Variants in SLITRK4 observed in about 807,000 individuals in gnomAD.
SLITRK4 encodes the protein SLIT and NTRK-like protein 4.
A neutral mutation model predicts 34.7 loss-of-function variants in SLITRK4; 7 were observed. That is an observed-to-expected ratio of 0.20 (90% CI 0.11 to 0.38). The LOEUF (loss-of-function observed/expected upper bound fraction) is 0.38, where lower values mean the gene tolerates loss of function less well. Ranked by LOEUF, SLITRK4 falls within the 10% of genes least tolerant of loss-of-function variation. The pLI is 1.00. For synonymous variants in SLITRK4, 237 were observed against 246.2 expected, an observed-to-expected ratio of 0.96 and a Z score of 0.35; for missense variants, 474 against 607.0, an observed-to-expected ratio of 0.78 and a Z score of 2.30.
chrX:143,628,439 C>T lies in SLITRK4; in HGVS notation c.*156G>A, dbSNP rs1255153171. The T allele has an allele frequency of 4.5e-6, 2 of 441,819 alleles. No homozygotes were observed. Among genetic ancestry groups the T allele is most frequent in the Non-Finnish European group, 7.6e-6 (2 of 262,800 alleles). The allele number at this position is 441,819 out of a possible 1,213,427, so 36.4% of individuals were successfully genotyped here. A position where few individuals can be genotyped will look rare whatever the true frequency, so the allele number is the denominator to read the frequency against. On this transcript the variant is annotated 3_prime_UTR_variant, in exon 2 of 2. Transcript: ENST00000356928. ...TAAAATCTATTAAACAAATTCTCTT[C>T]TACTTGACACATCTTTGCAGCTACA... is the stretch of plus-strand genomic sequence containing the variant.
Position 143,630,172 on chromosome X carries a change from A to G in SLITRK4, c.937T>C (p.Ser313Pro). 8.3e-7 allele frequency: 1 copy of G among 1,211,417 alleles called. No homozygotes were observed. Among genetic ancestry groups the G allele is most frequent in the Non-Finnish European group, 1.1e-6 (1 of 895,442 alleles). The change falls in exon 2 of 2, where the codon TCT becomes CCT. Residue 313 changes from serine to proline, a missense_variant. Around this residue, in one of 3 missense-constraint regions of SLITRK4, gnomAD observed 345 missense variants for 406.5 expected, o/e 0.85. Transcript: ENST00000356928. The part of the protein sequence containing the change: ...PPKTTNPSKI[S>P]GIVAGKALSN... ...AGGGCTTTGCCTGCAACGATTCCAG[A>G]GATCTTGGAAGGATTTGTTGTTTTT...
In SLITRK4 at chrX:143,628,053, C is replaced by CAATTTACA. The variant is rs782555712; in HGVS notation, c.*534_*541dup. On this transcript the variant is annotated 3_prime_UTR_variant, in exon 2 of 2. Coordinates refer to ENST00000356928, the MANE Select transcript of SLITRK4 (RefSeq NM_001184749.3). ...TCAAGATGCAGGCCATAAAGGTTAC[C>CAATTTACA]AATTTACAAATACTATCGAGTGTTC... The CAATTTACA allele has an allele frequency of 1.8e-4, 46 of 260,382 alleles. No individual in the cohort carries two copies. In the East Asian group the frequency reaches 2.4e-3, roughly 14 times the overall value. 21.5% of individuals were successfully genotyped at this position (260,382 alleles called of 1,213,427 possible).
chrX:143,628,858 G>A lies in SLITRK4; in HGVS notation c.2251C>T (p.Pro751Ser), dbSNP rs1556426083. ...ATAAACACATTGGAATCCCTGCTAG[G>A]GAATAATTCATCCAGCTCATCAATT... ...STIDELDELF[P>S]SRDSNVFIQN... The change falls in exon 2 of 2, where the codon CCT becomes TCT. Residue 751 changes from proline to serine, a missense_variant. Transcript: ENST00000356928. 5.0e-6 allele frequency: 6 copies of A among 1,211,074 alleles called. No individual in the cohort carries two copies. Among genetic ancestry groups the A allele is most frequent in the Non-Finnish European group, 5.6e-6 (5 of 895,138 alleles).
At chrX:143,635,162 C>T (rs1388881607) in intron 1 of SLITRK4, 1 of 85,401 alleles carries the variant, frequency 1.2e-5, no homozygotes, top group East Asian at 4.2e-4. Context: ...CACCCCCCCC[C>T]ACCCCGCACA....
At position 143,630,521 on chromosome X, in the gene SLITRK4, G is replaced by A. The variant is rs1260482246; in HGVS notation, c.588C>T (p.Ile196=). 1.9e-5 allele frequency: 23 copies of A among 1,209,430 alleles called. No homozygotes were observed. The highest frequency in any genetic ancestry group is 2.5e-5 in the Non-Finnish European group (22 of 894,969). The change falls in exon 2 of 2, where the codon ATC becomes ATT. Residue 196 remains isoleucine (I), a synonymous_variant. Transcript: ENST00000356928. ...CACGGCCAATGTGTTCCAGAACCCC[G>A]ATATAAGGGAGCTTCTGGATTCTGT... ...RGNRIQKLPY[I]GVLEHIGRVV...
rs1930775143 is a variant in SLITRK4, at chrX:143,626,032, C to T, written c.*2563G>A. On this transcript the variant is annotated 3_prime_UTR_variant, in exon 2 of 2. Transcript: ENST00000356928. ...GAATTCTGCAGAAACCTTGAAACAT[C>T]TTCAGAACATCACCACACTGAATAA... The T allele has an allele frequency of 9.0e-6, 1 of 111,616 alleles. No individual in the cohort carries two copies. The highest frequency in any genetic ancestry group is 3.3e-5 in the African/African-American group (1 of 30,766). The allele number at this position is 111,616 out of a possible 1,213,427, so 9.2% of individuals were successfully genotyped here.
In SLITRK4 at chrX:143,631,049, A is replaced by G; in HGVS notation, c.60T>C (p.Ser20=). The change falls in exon 2 of 2, where the codon TCT becomes TCC. Residue 20 remains serine (S), a synonymous_variant. Transcript: ENST00000356928. The part of the protein sequence containing the change: ...SALISSTNAD[S]DISVEICNVC... ...CATTGCAAATTTCCACCGATATGTC[A>G]GAATCTGCATTTGTCGAAGAAATCA... The G allele has an allele frequency of 8.4e-7, 1 of 1,197,203 alleles. No homozygotes were observed. Among genetic ancestry groups the G allele is most frequent in the Non-Finnish European group, 1.1e-6 (1 of 890,646 alleles).
Position 143,628,091 on chromosome X carries a change from CTTTTTTTTTTTTTTTTTTTT to C in SLITRK4, c.*484_*503del, listed in dbSNP as rs782497461. 12 of 73,093 alleles carry C rather than the reference CTTTTTTTTTTTTTTTTTTTT, an allele frequency of 1.6e-4. No individual in the cohort carries two copies. Among genetic ancestry groups the C allele is most frequent in the Non-Finnish European group, 2.2e-4 (10 of 45,917 alleles). 6.0% of individuals were successfully genotyped at this position (73,093 alleles called of 1,213,427 possible). A position where few individuals can be genotyped will look rare whatever the true frequency, so the allele number is the denominator to read the frequency against. On this transcript the variant is annotated 3_prime_UTR_variant, in exon 2 of 2. Coordinates refer to ENST00000356928, the MANE Select transcript of SLITRK4 (RefSeq NM_001184749.3). ...CTATCGAGTGTTCTCTCTTTGCATG[CTTTTTTTTTTTTTTTTTTTT>C]TTTTTTTTTTTTTTTTACTTTTCAG...
In SLITRK4 at chrX:143,628,959, T is replaced by G. The variant is rs781838760; in HGVS notation, c.2150A>C (p.Gln717Pro). 8.3e-7 allele frequency: 1 copy of G among 1,209,172 alleles called. No individual in the cohort carries two copies. The highest frequency in any genetic ancestry group is 1.1e-6 in the Non-Finnish European group (1 of 894,930). The change falls in exon 2 of 2, where the codon CAG (glutamine) becomes CCG (proline). Residue 717 changes from glutamine (Q) to proline (P), a missense_variant. Coordinates refer to ENST00000356928, the MANE Select transcript of SLITRK4 (RefSeq NM_001184749.3). ...GGCCACATTTCTCATAACAACTTTC[T>G]GTCCTGGAGGATCTGAAAACATGAA... ...TGFMFSDPPG[Q>P]KVVMRNVADK...
chrX:143,634,516 C>T (rs1556430379), intron 1 of SLITRK4: 1 of 99,652 alleles, frequency 1.0e-5, no homozygotes, highest in Non-Finnish European at 2.1e-5. Flanking sequence ...CTTGCCCCGC[C>T]GCCCTGGCCG....
Position 143,628,734 on chromosome X carries a change from T to C in SLITRK4, c.2375A>G (p.Lys792Arg). 1 of 1,211,666 alleles carries C rather than the reference T, an allele frequency of 8.3e-7. No individual in the cohort carries two copies. The highest frequency in any genetic ancestry group is 1.1e-6 in the Non-Finnish European group (1 of 895,546). Residue 792 changes from lysine to arginine, a missense_variant, in exon 2 of 2, where the codon AAG becomes AGG. Physicochemically the swap from Lys to Arg is conservative, Grantham distance 26. Around this residue, in one of 3 missense-constraint regions of SLITRK4, gnomAD observed 345 missense variants for 406.5 expected, o/e 0.85. Transcript: ENST00000356928. ...ACTGTGGTTGCCACCTATCAGTGAC[T>C]TCTTACTTTTTTTGTCTGGTTGTTT... is the stretch of plus-strand genomic sequence containing the variant. ...PEKQPDKKSK[K>R]SLIGGNHSKI...
intron 1 of SLITRK4, among the ~76,000 whole-genome samples, chrX:143,633,919 G>A (rs1389910941): frequency 1.8e-5 from 2 of 113,040 alleles, no homozygotes; most frequent in Non-Finnish European, 3.8e-5. Flanking sequence ...GCAGCCTGGC[G>A]GTCCGTGTAG....
In SLITRK4 at chrX:143,626,091, C is replaced by T. The variant is rs1556425405; in HGVS notation, c.*2504G>A. ...TTCAAATGACCTATTATCCCCAGAC[C>T]ATGAATGGAACTTTCTGATTCCTCC... On this transcript the variant is annotated 3_prime_UTR_variant, in exon 2 of 2. Coordinates refer to ENST00000356928, the MANE Select transcript of SLITRK4 (RefSeq NM_001184749.3). 9.0e-6 allele frequency: 1 copy of T among 111,218 alleles called. No individual in the cohort carries two copies. Among genetic ancestry groups the T allele is most frequent in the East Asian group, 2.8e-4 (1 of 3,538 alleles). The allele number at this position is 111,218 out of a possible 1,213,427, so 9.2% of individuals were successfully genotyped here.
chrX:143,628,301 A>G lies in SLITRK4; in HGVS notation c.*294T>C. 1 of 311,712 alleles carries G rather than the reference A, an allele frequency of 3.2e-6. No homozygotes were observed. Among genetic ancestry groups the G allele is most frequent in the Non-Finnish European group, 5.6e-6 (1 of 179,951 alleles). The allele number at this position is 311,712 out of a possible 1,213,427, so 25.7% of individuals were successfully genotyped here. On this transcript the variant is annotated 3_prime_UTR_variant, in exon 2 of 2. Coordinates refer to ENST00000356928, the MANE Select transcript of SLITRK4 (RefSeq NM_001184749.3). ...AGAGACGAAGGTTTTGCATTGGGGT[A>G]CAAAACAGATTTGCCTCTTGAGGTT...
rs1290988395 is a variant in SLITRK4 at position 143,625,193 on chromosome X, T to TA, written c.*3401dup. ...TATGGCTTAAAGAAAAGTAAATGTTTAAAAAAAGCAACAAAAGAAAGATGG... is the reference window on the plus strand; with the variant it reads ...TATGGCTTAAAGAAAAGTAAATGTTTAAAAAAAAGCAACAAAAGAAAGATGG... On this transcript the variant is annotated 3_prime_UTR_variant, in exon 2 of 2. Coordinates refer to ENST00000356928, the MANE Select transcript of SLITRK4 (RefSeq NM_001184749.3). 9.0e-6 allele frequency: 1 copy of TA among 111,103 alleles called. No homozygotes were observed. Among genetic ancestry groups the TA allele is most frequent in the Non-Finnish European group, 1.9e-5 (1 of 52,698 alleles). 9.2% of individuals were successfully genotyped at this position (111,103 alleles called of 1,213,427 possible). A position where few individuals can be genotyped will look rare whatever the true frequency, so the allele number is the denominator to read the frequency against.
chrX:143,635,320 C>G (rs1197466606), intron 1 of SLITRK4: 1 of 105,406 alleles, frequency 9.5e-6, no homozygotes, highest in Non-Finnish European at 1.9e-5. Context: ...CGGCATCCGC[C>G]CCCTCTTTTT....
rs781877542 is a variant in SLITRK4, at chrX:143,623,631, A to G, written c.*4964T>C. 15 of 111,780 alleles carry G rather than the reference A, an allele frequency of 1.3e-4. No individual in the cohort carries two copies. In the South Asian group the frequency reaches 5.5e-3, roughly 41 times the overall value. 9.2% of individuals were successfully genotyped at this position (111,780 alleles called of 1,213,427 possible). A position where few individuals can be genotyped will look rare whatever the true frequency, so the allele number is the denominator to read the frequency against. On this transcript the variant is annotated 3_prime_UTR_variant, in exon 2 of 2. Transcript: ENST00000356928. ...AATTAGATTAAGGGCAGTTTTGTACAAAGTAAGTTATTAAAATTCATTTGA... is the reference window on the plus strand; with the variant it reads ...AATTAGATTAAGGGCAGTTTTGTACGAAGTAAGTTATTAAAATTCATTTGA...
chrX:143,635,681 A>G (rs1931217851), intron 1 of SLITRK4, 54 bp downstream of exon 1: 1 of 110,380 alleles, frequency 9.1e-6, no homozygotes, highest in African/African-American at 3.3e-5. Context: ...AGTCAACAAC[A>G]ATGACATTCA....
chrX:143,623,234 T>C lies in SLITRK4; in HGVS notation c.*5361A>G, dbSNP rs1930686831. ...GAAATCACCAGAATTTCTATTTCTA[T>C]TTAGGCAGTGTCTACAAAAGTAAAC... On this transcript the variant is annotated 3_prime_UTR_variant, in exon 2 of 2. Transcript: ENST00000356928. 9.0e-6 allele frequency: 1 copy of C among 111,067 alleles called. No individual in the cohort carries two copies. Among genetic ancestry groups the C allele is most frequent in the Non-Finnish European group, 1.9e-5 (1 of 52,894 alleles). The allele number at this position is 111,067 out of a possible 1,213,427, so 9.2% of individuals were successfully genotyped here. A position where few individuals can be genotyped will look rare whatever the true frequency, so the allele number is the denominator to read the frequency against.
Sources: gnomAD v4.1 joint callset for allele counts (sites outside exome capture counted in the v4.1 genomes callset) on GRCh38, gnomAD v4.1.1 for gene constraint, gnomAD v4.1.1 regional missense constraint, MANE v1.5 for transcripts, NCBI Gene and HGNC (gene_info 2026-07-23, HGNC 2026-07-21) for gene names.